Variants in EPB41L4A observed in about 807,000 individuals in gnomAD.
EPB41L4A encodes band 4.1-like protein 4A.
In EPB41L4A, 100 loss-of-function variants were observed where a neutral mutation model predicts 108.6. The ratio of observed to expected loss-of-function variants is 0.92; its 90% CI spans 0.78 to 1.09. The LOEUF (loss-of-function observed/expected upper bound fraction) is 1.09. Ranked by LOEUF, EPB41L4A falls within the 50% of genes least tolerant of loss-of-function variation. The pLI, the probability that EPB41L4A is intolerant of heterozygous loss-of-function variation, is 0.00. For missense variants in EPB41L4A, 1,030 were observed against 842.7 expected (o/e 1.22, Z -2.75); for synonymous variants, 319 against 289.0 (o/e 1.10, Z -1.05).
intron 1 of EPB41L4A, among the ~76,000 whole-genome samples, chr5:112,316,931 T>C (rs1238238905): frequency 6.6e-6 from 1 of 152,140 alleles, no homozygotes; most frequent in East Asian, 1.9e-4. Flanking sequence ...TCTGACTTCG[T>C]GACATGGTGA....
At chr5:112,332,012 T>C (rs1756604787) in intron 1 of EPB41L4A, among the ~76,000 whole-genome samples, 1 of 152,200 alleles carries the variant, frequency 6.6e-6, no homozygotes, top group Middle Eastern at 3.2e-3. Flanking sequence ...AAAAGCTCCC[T>C]CTCAGACCAA....
intron 12 of EPB41L4A, among the ~76,000 whole-genome samples, chr5:112,148,623 T>C (rs1405210544): frequency 2.0e-5 from 3 of 152,324 alleles, no homozygotes; most frequent in South Asian, 4.1e-4. Flanking sequence ...TCATTCATTG[T>C]AACCAGTTTC....
intron 1 of EPB41L4A, among the ~76,000 whole-genome samples, chr5:112,387,933 C>T (rs1399027096): frequency 6.6e-6 from 1 of 152,092 alleles, no homozygotes; most frequent in African/African-American, 2.4e-5. Flanking sequence ...AAGTTACCCA[C>T]CAAGTTTTTA....
intron 18 of EPB41L4A, among the ~76,000 whole-genome samples, chr5:112,176,901 C>A (rs1025983854): frequency 6.6e-6 from 1 of 151,548 alleles, no homozygotes; most frequent in Non-Finnish European, 1.5e-5. Flanking sequence ...ATTACAGGCA[C>A]CCACCACCAC....
At chr5:112,213,765 T>G (rs1449510922) in intron 12 of EPB41L4A, among the ~76,000 whole-genome samples, 1 of 152,188 alleles carries the variant, frequency 6.6e-6, no homozygotes. Context: ...TTAGGAAGAC[T>G]ACATGGGGAA....
At chr5:112,154,920 A>C (rs1464226650) in intron 12 of EPB41L4A, among the ~76,000 whole-genome samples, 2 of 152,208 alleles carry the variant, frequency 1.3e-5, no homozygotes, top group Non-Finnish European at 2.9e-5. Context: ...AGATACTGTA[A>C]GGAACAACTT....
chr5:112,415,895 G>A (rs1762689280), intron 1 of EPB41L4A, among the ~76,000 whole-genome samples: 1 of 151,894 alleles, frequency 6.6e-6, no homozygotes, highest in Non-Finnish European at 1.5e-5. Context: ...AGGTGAGGTT[G>A]CCCCTAAAGC....
chr5:112,396,048 A>G (rs750833028), intron 1 of EPB41L4A, among the ~76,000 whole-genome samples: 17 of 152,210 alleles, frequency 1.1e-4, no homozygotes, highest in Admixed American at 2.0e-4. Flanking sequence ...GAACTGAACA[A>G]TGAGAACACT....
At chr5:112,196,604 A>G (rs978526475) in intron 15 of EPB41L4A, 6 of 152,188 alleles carry the variant, frequency 3.9e-5, no homozygotes, top group African/African-American at 1.2e-4. Flanking sequence ...TTTCAATAAC[A>G]TGCATGCTGA....
rs200152481 is a variant in EPB41L4A, at chr5:112,164,855, AAAGAT to A, written c.*130_*134del. 31 of 1,022,710 alleles carry A rather than the reference AAAGAT, an allele frequency of 3.0e-5. No homozygotes were observed. In the East Asian group the frequency reaches 8.7e-4, roughly 29 times the overall value. 63.4% of individuals were successfully genotyped at this position (1,022,710 alleles called of 1,614,324 possible). A position where few individuals can be genotyped will look rare whatever the true frequency, so the allele number is the denominator to read the frequency against. ...TCAAAAAAAAAAAAAAAAAGAAGCA[AAAGAT>A]AATGTATTTTCTCATGCTGAAGAAA... is the stretch of plus-strand genomic sequence containing the variant. On this transcript the variant is annotated 3_prime_UTR_variant, in exon 23 of 23. Transcript: ENST00000261486.
At chr5:112,365,822 A>G (rs564242243) in intron 1 of EPB41L4A, among the ~76,000 whole-genome samples, 1 of 152,332 alleles carries the variant, frequency 6.6e-6, no homozygotes, top group Admixed American at 6.5e-5. Context: ...CTGGATTGAG[A>G]GATGCCCCTC....
intron 12 of EPB41L4A, among the ~76,000 whole-genome samples, chr5:112,233,255 T>C (rs1749087522): frequency 6.6e-6 from 1 of 152,146 alleles, no homozygotes; most frequent in Non-Finnish European, 1.5e-5. Flanking sequence ...TTCAGGAAAC[T>C]GACAAATTAT....
At chr5:112,357,916 C>G (rs1324310275) in intron 1 of EPB41L4A, among the ~76,000 whole-genome samples, 2 of 152,206 alleles carry the variant, frequency 1.3e-5, no homozygotes, top group Non-Finnish European at 2.9e-5. Context: ...TGTCAATAAC[C>G]AGGTGAACAA....
intron 1 of EPB41L4A, among the ~76,000 whole-genome samples, chr5:112,402,601 T>C (rs1213976476): frequency 6.6e-6 from 1 of 152,084 alleles, no homozygotes; most frequent in Admixed American, 6.5e-5. Context: ...TGGGGAAAAG[T>C]ACGTGGAAGA....
At chr5:112,327,416 G>C (rs1756245280) in intron 1 of EPB41L4A, among the ~76,000 whole-genome samples, 1 of 152,102 alleles carries the variant, frequency 6.6e-6, no homozygotes, top group African/African-American at 2.4e-5. Flanking sequence ...TTTCTCTTGT[G>C]GTAAGAATTG....
chr5:112,385,155 C>T (rs186273672), intron 1 of EPB41L4A, among the ~76,000 whole-genome samples: 5 of 152,292 alleles, frequency 3.3e-5, no homozygotes, highest in African/African-American at 1.2e-4. Context: ...CAATGTGACC[C>T]CGATCCTGAC....
chr5:112,339,789 G>A (rs552827545), intron 1 of EPB41L4A, among the ~76,000 whole-genome samples: 112 of 152,024 alleles, frequency 7.4e-4, no homozygotes, highest in Non-Finnish European at 1.4e-3. Context: ...ACCTGCCTTC[G>A]CCTCCCAAAG....
At position 112,298,886 on chromosome 5, in the gene EPB41L4A, T is replaced by C. The variant is rs538024405; in HGVS notation, c.204+8500A>G. Among the ~76,000 whole-genome samples the C allele has an allele frequency of 3.3e-5, 5 of 152,304 alleles. No homozygotes were observed. The East Asian group carries it at 9.7e-4, about 29-fold the overall frequency. ...TGATTTAAGCTAGGAGGGTTGTCTC[T>C]TTCCAGGAATTTATCCATATCCTCC... is the stretch of plus-strand genomic sequence containing the variant. On this transcript the variant is annotated intron_variant, in intron 2 of 22. Coordinates refer to ENST00000261486, the MANE Select transcript of EPB41L4A (RefSeq NM_022140.5).
intron 18 of EPB41L4A, among the ~76,000 whole-genome samples, chr5:112,174,568 T>C (rs1580367872): frequency 2.0e-5 from 3 of 152,308 alleles, no homozygotes; most frequent in East Asian, 1.9e-4. Flanking sequence ...CACAAATCAC[T>C]TTCCCTTATT....
Sources: allele counts gnomAD v4.1 joint callset (sites outside exome capture counted in the v4.1 genomes callset), GRCh38; gene constraint gnomAD v4.1.1; transcripts MANE v1.5; gene names NCBI Gene and HGNC (gene_info 2026-07-23, HGNC 2026-07-21).